Variants in GRIP1 observed in about 807,000 individuals in gnomAD.
GRIP1 encodes the protein glutamate receptor-interacting protein 1.
A neutral mutation model predicts 129.9 loss-of-function variants in GRIP1; 45 were observed. The ratio of observed to expected loss-of-function variants is 0.35; its 90% CI spans 0.27 to 0.44. The LOEUF (loss-of-function observed/expected upper bound fraction) is 0.44, where lower values mean the gene tolerates loss of function less well. Ranked by LOEUF, GRIP1 falls within the 20% of genes least tolerant of loss-of-function variation. The probability of loss-of-function intolerance (pLI) is 1.00; values close to 1 mark genes in which losing one functional copy is unlikely to be tolerated. For synonymous variants in GRIP1, 530 were observed against 520.8 expected (o/e 1.02, Z -0.24); for missense variants, 1,196 against 1,396.8 (o/e 0.86, Z 2.29).
At chr12:66,717,261 G>C (rs928842197) in intron 1 of GRIP1, among the ~76,000 whole-genome samples, 4 of 152,008 alleles carry the variant, frequency 2.6e-5, no homozygotes, top group Non-Finnish European at 2.9e-5. Context: ...AACTGTATAA[G>C]TAAAAGCCTA....
chr12:66,606,890 A>G (rs2064555519), intron 1 of GRIP1, among the ~76,000 whole-genome samples: 1 of 152,098 alleles, frequency 6.6e-6, no homozygotes, highest in Non-Finnish European at 1.5e-5. Flanking sequence ...ATGTGCCTAA[A>G]TTTACCCTGG....
At chr12:66,950,707 G>C (rs996994981) in intron 1 of GRIP1, among the ~76,000 whole-genome samples, 1 of 152,022 alleles carries the variant, frequency 6.6e-6, no homozygotes, top group African/African-American at 2.4e-5. Context: ...GTCAGTACTA[G>C]ATCACAAGGT....
chr12:66,740,664 G>A (rs965142674), intron 1 of GRIP1, among the ~76,000 whole-genome samples: 12 of 152,194 alleles, frequency 7.9e-5, no homozygotes, highest in Admixed American at 7.9e-4. Flanking sequence ...ACATCTATAA[G>A]AGCAGTTAAT....
intron 1 of GRIP1, among the ~76,000 whole-genome samples, chr12:66,782,979 A>G (rs912282342): frequency 6.6e-6 from 1 of 152,154 alleles, no homozygotes; most frequent in Non-Finnish European, 1.5e-5. Flanking sequence ...AAGGGGCAAT[A>G]CTGCTTCTTT....
intron 1 of GRIP1, among the ~76,000 whole-genome samples, chr12:67,035,869 T>G (rs1214167416): frequency 6.6e-6 from 1 of 152,182 alleles, no homozygotes; most frequent in Non-Finnish European, 1.5e-5. Context: ...TTTAACTTCT[T>G]AGTGCTGTAC....
In GRIP1 at chr12:66,688,999, T is replaced by A. The variant is rs372244950; in HGVS notation, c.-419-58663A>T. ...CCCCCTGCAGTCTAGCAAGTACACCTTCCCTTTCAGGTCTGCACAGCTGCA... is the reference window on the plus strand; with the variant it reads ...CCCCCTGCAGTCTAGCAAGTACACCATCCCTTTCAGGTCTGCACAGCTGCA... On this transcript the variant is annotated intron_variant, in intron 1 of 4. Coordinates refer to the GRIP1 transcript ENST00000538373. Among the ~76,000 whole-genome samples, 24 of 152,246 alleles carry A rather than the reference T, an allele frequency of 1.6e-4. No individual in the cohort carries two copies. In the East Asian group the frequency reaches 4.6e-3, roughly 29 times the overall value.
intron 16 of GRIP1, among the ~76,000 whole-genome samples, chr12:66,402,177 A>C (rs752700088): frequency 6.6e-6 from 1 of 152,206 alleles, no homozygotes; most frequent in Non-Finnish European, 1.5e-5. Flanking sequence ...CTTTTCCTTG[A>C]GGTCCTCAGG....
chr12:66,607,544 G>A (rs2064592879), intron 1 of GRIP1, among the ~76,000 whole-genome samples: 1 of 152,214 alleles, frequency 6.6e-6, no homozygotes, highest in Admixed American at 6.5e-5. Context: ...CATGTAGCCA[G>A]AGTGGGGAAT....
At chr12:66,690,264 T>C (rs373999427) in intron 1 of GRIP1, among the ~76,000 whole-genome samples, 42 of 152,158 alleles carry the variant, frequency 2.8e-4, no homozygotes, top group African/African-American at 9.6e-4. Context: ...GATCATATAA[T>C]ATTGGTCTTT....
At chr12:66,609,074 T>A (rs902560716) in intron 1 of GRIP1, among the ~76,000 whole-genome samples, 2 of 151,972 alleles carry the variant, frequency 1.3e-5, no homozygotes, top group African/African-American at 4.8e-5. Context: ...ATCATGGGTA[T>A]TATTACCTCA....
At chr12:66,513,592 T>G (rs1198343414) in intron 7 of GRIP1, among the ~76,000 whole-genome samples, 2 of 152,174 alleles carry the variant, frequency 1.3e-5, no homozygotes, top group Non-Finnish European at 2.9e-5. Flanking sequence ...TTATTGCTAT[T>G]ATAAAGGATA....
At chr12:66,781,508 C>T (rs2038158642) in intron 1 of GRIP1, among the ~76,000 whole-genome samples, 2 of 151,946 alleles carry the variant, frequency 1.3e-5, no homozygotes, top group Admixed American at 1.3e-4. Flanking sequence ...AAAAAATTAC[C>T]CAAGCAAAGT....
intron 1 of GRIP1, among the ~76,000 whole-genome samples, chr12:67,028,401 T>G (rs11176540): frequency 0.098 from 14,850 of 152,262 alleles, 845 homozygotes; most frequent in Non-Finnish European, 0.13. Flanking sequence ...GTATTTTTAG[T>G]AGTTTCTTCA....
At chr12:66,718,368 T>C (rs2035957137) in intron 1 of GRIP1, among the ~76,000 whole-genome samples, 1 of 152,158 alleles carries the variant, frequency 6.6e-6, no homozygotes, top group Non-Finnish European at 1.5e-5. Context: ...TTCAGGGTAA[T>C]GTTTCTAACA....
intron 2 of GRIP1, among the ~76,000 whole-genome samples, chr12:66,562,822 G>C (rs541968215): frequency 7.6e-4 from 116 of 152,112 alleles, no homozygotes; most frequent in Admixed American, 1.6e-3. Flanking sequence ...CTGTTGACTG[G>C]AAGCTTTACT....
chr12:66,588,152 T>C (rs1191249351), intron 2 of GRIP1, among the ~76,000 whole-genome samples: 1 of 152,202 alleles, frequency 6.6e-6, no homozygotes, highest in Admixed American at 6.5e-5. Flanking sequence ...AGCATAGTTA[T>C]GGTGTTACCA....
chr12:66,475,326 C>A (rs1471629187), intron 7 of GRIP1, among the ~76,000 whole-genome samples: 20 of 152,080 alleles, frequency 1.3e-4, no homozygotes, highest in Non-Finnish European at 2.9e-5. Context: ...TAGATTCATA[C>A]AGCAAGTCCT....
chr12:66,834,377 C>A (rs1227321058), intron 1 of GRIP1, among the ~76,000 whole-genome samples: 1 of 152,008 alleles, frequency 6.6e-6, no homozygotes, highest in Non-Finnish European at 1.5e-5. Context: ...AGCAATCAAG[C>A]AATGGTCTTT....
chr12:66,608,711 T>C (rs1187225989), intron 1 of GRIP1, among the ~76,000 whole-genome samples: 2 of 152,134 alleles, frequency 1.3e-5, no homozygotes, highest in African/African-American at 2.4e-5. Flanking sequence ...GCTCTACCAC[T>C]TACTAGCTGT....
Sources: allele counts gnomAD v4.1 joint callset (sites outside exome capture counted in the v4.1 genomes callset), GRCh38; gene constraint gnomAD v4.1.1; transcripts MANE v1.5; gene names NCBI Gene and HGNC (gene_info 2026-07-23, HGNC 2026-07-21).